The following PRKCA variants were observed in gnomAD, a reference collection of about 807,000 sequenced individuals.
PRKCA encodes the protein protein kinase C alpha, also known as protein kinase C alpha type.
Under a neutral mutation model 87.0 loss-of-function variants are expected in PRKCA, and 27 were observed. The observed-to-expected ratio is 0.31, with a 90% CI of 0.23 to 0.43. PRKCA has a LOEUF of 0.43. PRKCA is among the 20% of genes least tolerant of loss of function. PRKCA has a pLI of 1.00. For synonymous variants in PRKCA, 329 were observed against 311.1 expected (o/e 1.06, Z -0.61); for missense variants, 518 against 852.3 (o/e 0.61, Z 4.88).
At chr17:66,715,626 C>T (rs192927300) in intron 8 of PRKCA, among the ~76,000 whole-genome samples, 1 of 152,324 alleles carries the variant, frequency 6.6e-6, no homozygotes, top group African/African-American at 2.4e-5. Flanking sequence ...GATCTTAAAA[C>T]CCACTTTTGG....
In PRKCA at chr17:66,618,372, A is replaced by G. The variant is rs139490035; in HGVS notation, c.289-22983A>G. Among the ~76,000 whole-genome samples the G allele has an allele frequency of 6.6e-3, 1,002 of 150,780 alleles. 13 individuals carry two copies. Among genetic ancestry groups the G allele is most frequent in the African/African-American group, 0.021 (855 of 41,104 alleles). ...CTATCGCAAAAAAAAAAAAAAAAGA[A>G]CATAGTCATTCATTTCTTCGTTCAC... On this transcript the variant is annotated intron_variant, in intron 3 of 16. Transcript: ENST00000413366.
At chr17:66,396,957 CTTTTTTTTTTTT>C (rs35135551) in intron 2 of PRKCA, among the ~76,000 whole-genome samples, 20 of 52,158 alleles carry the variant, frequency 3.8e-4, no homozygotes, top group African/African-American at 1.3e-3. Flanking sequence ...ACAATCAAGA[CTTTTTTTTTTTT>C]TTTTTTTTTT....
At chr17:66,385,475 A>G (rs565742651) in intron 2 of PRKCA, among the ~76,000 whole-genome samples, 112 of 152,116 alleles carry the variant, frequency 7.4e-4, no homozygotes, top group Non-Finnish European at 4.9e-4. Flanking sequence ...CTCCAGCCAA[A>G]ATATTTGTAA....
intron 2 of PRKCA, among the ~76,000 whole-genome samples, chr17:66,333,943 A>G (rs1201699305): frequency 1.3e-5 from 2 of 152,160 alleles, no homozygotes; most frequent in Non-Finnish European, 2.9e-5. Flanking sequence ...AAAGTGTAAA[A>G]AAGTGCAAAT....
intron 3 of PRKCA, among the ~76,000 whole-genome samples, chr17:66,577,798 C>T (rs1390721130): frequency 1.3e-5 from 2 of 152,132 alleles, no homozygotes. Context: ...CCACATTTAT[C>T]CTTAGATCAG....
At chr17:66,360,311 G>T (rs1908313858) in intron 2 of PRKCA, among the ~76,000 whole-genome samples, 1 of 152,286 alleles carries the variant, frequency 6.6e-6, no homozygotes, top group East Asian at 1.9e-4. Flanking sequence ...CCCTTACTTG[G>T]TTGGAACTCT....
At chr17:66,329,574 G>A (rs991090727) in intron 2 of PRKCA, among the ~76,000 whole-genome samples, 1 of 152,228 alleles carries the variant, frequency 6.6e-6, no homozygotes, top group East Asian at 1.9e-4. Context: ...GAATGAACAA[G>A]AGAGGGCAGG....
chr17:66,312,192 G>C (rs112520848), intron 2 of PRKCA, among the ~76,000 whole-genome samples: 56,203 of 152,004 alleles, frequency 0.37, 10,543 homozygotes, highest in Middle Eastern at 0.54. Flanking sequence ...ATATTGGCCA[G>C]GCTGGTCTTG....
At chr17:66,309,714 T>C (rs371946045) in intron 2 of PRKCA, among the ~76,000 whole-genome samples, 16 of 152,166 alleles carry the variant, frequency 1.1e-4, no homozygotes, top group African/African-American at 3.9e-4. Flanking sequence ...TTATTTTTGG[T>C]TGAATGTTTT....
Position 66,505,384 on chromosome 17 carries a change from A to G in PRKCA, c.288+9101A>G, listed in dbSNP as rs77326962. 4.5e-3 allele frequency among the ~76,000 whole-genome samples: 679 copies of G among 152,308 alleles called. 3 individuals carry two copies. The highest frequency in any genetic ancestry group is 7.6e-3 in the Non-Finnish European group (519 of 68,034). On this transcript the variant is annotated intron_variant, in intron 3 of 16. Transcript: ENST00000413366. ...GTTGTCTGCACCTGATTAGCTGGGA[A>G]AAAATGCGCGACGTAATTACAAAGA...
chr17:66,587,891 GTGTGTATATATATATATATA>G (rs1268074810), intron 3 of PRKCA, among the ~76,000 whole-genome samples: 3,715 of 87,130 alleles, frequency 0.043, 437 homozygotes, highest in Non-Finnish European at 0.056. Context: ...GTGTGTGTGT[GTGTGTATATATATATATATA>G]TATATATATA....
At chr17:66,455,481 G>A (rs986320457) in intron 2 of PRKCA, among the ~76,000 whole-genome samples, 8 of 152,186 alleles carry the variant, frequency 5.3e-5, no homozygotes, top group Admixed American at 6.5e-5. Flanking sequence ...AAGCATCAGC[G>A]AAGCCATAGG....
chr17:66,731,248 G>A (rs1001569994), intron 8 of PRKCA, among the ~76,000 whole-genome samples: 2 of 151,418 alleles, frequency 1.3e-5, no homozygotes, highest in Admixed American at 1.3e-4. Context: ...AGAGGCTGAG[G>A]CAGGAGAATC....
At chr17:66,675,521 G>T (rs987384230) in intron 5 of PRKCA, among the ~76,000 whole-genome samples, 1 of 152,132 alleles carries the variant, frequency 6.6e-6, no homozygotes, top group Non-Finnish European at 1.5e-5. Flanking sequence ...CGATCCCTCG[G>T]TCCCTGCAGA....
chr17:66,795,190 T>C (rs995309382), intron 16 of PRKCA, among the ~76,000 whole-genome samples: 1 of 152,082 alleles, frequency 6.6e-6, no homozygotes, highest in Non-Finnish European at 1.5e-5. Flanking sequence ...GCAAGCTAGG[T>C]ATGTAGTGCA....
intron 2 of PRKCA, among the ~76,000 whole-genome samples, chr17:66,387,242 C>T (rs75867495): frequency 0.025 from 3,862 of 152,184 alleles, 80 homozygotes; most frequent in East Asian, 0.1. Flanking sequence ...AGGTAGATGG[C>T]TTGTCTTGAG....
intron 10 of PRKCA, among the ~76,000 whole-genome samples, chr17:66,737,800 C>A (rs1974071318): frequency 6.6e-6 from 1 of 152,190 alleles, no homozygotes. Context: ...GCTCTGAATC[C>A]CAGCCCAGAG....
intron 8 of PRKCA, among the ~76,000 whole-genome samples, chr17:66,692,642 G>C (rs915534785): frequency 1.2e-4 from 19 of 152,090 alleles, no homozygotes; most frequent in Non-Finnish European, 1.9e-4. Flanking sequence ...CCCCCACCCC[G>C]TTTCCTCCTT....
chr17:66,467,902 C>A (rs1305678478), intron 2 of PRKCA, among the ~76,000 whole-genome samples: 3 of 151,566 alleles, frequency 2.0e-5, no homozygotes, highest in Non-Finnish European at 2.9e-5. Flanking sequence ...AAAAAAAAAA[C>A]AACAGAAAAC....
Sources: gnomAD v4.1 joint callset for allele counts (sites outside exome capture counted in the v4.1 genomes callset) on GRCh38, gnomAD v4.1.1 for gene constraint, MANE v1.5 for transcripts, NCBI Gene and HGNC (gene_info 2026-07-23, HGNC 2026-07-21) for gene names.